LCA5L: variants seen among roughly 807,000 people sequenced by gnomAD.
LCA5L encodes lebercilin-like protein.
In LCA5L, 35 loss-of-function variants were observed where a neutral mutation model predicts 45.4. That is an observed-to-expected ratio of 0.77 (90% CI 0.59 to 1.02). The LOEUF is 1.02. LCA5L is among the 50% of genes least tolerant of loss of function. The pLI, the probability that LCA5L is intolerant of heterozygous loss-of-function variation, is 0.00. For missense variants in LCA5L, 668 were observed against 761.6 expected (o/e 0.88, Z 1.45); for synonymous variants, 233 against 264.7 (o/e 0.88, Z 1.16).
chr21:39,414,193 G>A (rs1480775969), intron 7 of LCA5L: 1 of 152,352 alleles, frequency 6.6e-6, no homozygotes, highest in East Asian at 1.9e-4. Flanking sequence ...GGGTATCAAG[G>A]AAGAGTTAAA....
chr21:39,418,337 A>G (rs2041669996), intron 7 of LCA5L, among the ~76,000 whole-genome samples: 1 of 152,114 alleles, frequency 6.6e-6, no homozygotes, highest in East Asian at 1.9e-4. Flanking sequence ...AAGATTCTTC[A>G]TTGCTGTTTA....
intron 5 of LCA5L, among the ~76,000 whole-genome samples, chr21:39,425,043 A>G (rs1479880283): frequency 6.6e-6 from 1 of 152,206 alleles, no homozygotes. Context: ...TAGGATATAG[A>G]GGTATATGTA....
intron 10 of LCA5L, chr21:39,407,821 AAAAT>A (rs1176999877): frequency 2.0e-5 from 3 of 152,262 alleles, no homozygotes; most frequent in Non-Finnish European, 2.9e-5. Context: ...AATGGACTGA[AAAAT>A]AAGCAGAAAA....
At chr21:39,415,054 A>G (rs1335520271) in intron 7 of LCA5L, among the ~76,000 whole-genome samples, 2 of 152,180 alleles carry the variant, frequency 1.3e-5, no homozygotes, top group South Asian at 4.1e-4. Flanking sequence ...GGCTTGTGCC[A>G]CCATGCCCAG....
At chr21:39,411,922 G>C in intron 7 of LCA5L, 120 bp from the exon 8 acceptor site, 1 of 594,958 alleles carries the variant, frequency 1.7e-6, no homozygotes, top group Non-Finnish European at 3.0e-6. Context: ...GATTTTAGAA[G>C]AAACAGAAAT....
At chr21:39,425,182 G>C (rs949803103) in intron 5 of LCA5L, among the ~76,000 whole-genome samples, 6 of 152,202 alleles carry the variant, frequency 3.9e-5, no homozygotes, top group African/African-American at 1.4e-4. Context: ...ATTCTGGAGA[G>C]GGAAGGACAC....
chr21:39,409,901 G>T lies in LCA5L; in HGVS notation c.1282+78C>A. On this transcript the variant is annotated intron_variant, in intron 10 of 10. Transcript: ENST00000288350. The surrounding 1 kb of genome is among the most constrained non-coding windows in gnomAD (Gnocchi z 4.2). ...GAGCTGCCATGCCCAGCTGTTTTAT[G>T]TGTGCTTTATATACACATATAGTAA... The T allele has an allele frequency of 3.6e-6, 3 of 830,548 alleles. No homozygotes were observed. Among genetic ancestry groups the T allele is most frequent in the South Asian group, 3.3e-5 (2 of 60,658 alleles). The allele number at this position is 830,548 out of a possible 1,614,324, so 51.4% of individuals were successfully genotyped here.
intron 8 of LCA5L, 125 bp from the exon 9 acceptor site, chr21:39,410,492 A>AAT (rs931895972): frequency 9.1e-5 from 51 of 562,124 alleles, no homozygotes; most frequent in Non-Finnish European, 3.1e-5. Context: ...CTAAATATTC[A>AAT]ATATATATAT....
intron 5 of LCA5L, among the ~76,000 whole-genome samples, chr21:39,426,981 C>A (rs2074829549): frequency 6.6e-6 from 1 of 152,208 alleles, no homozygotes; most frequent in African/African-American, 2.4e-5. Flanking sequence ...TCATGGGGTT[C>A]ACAGACATGT....
chr21:39,409,250 C>G lies in LCA5L; in HGVS notation c.1282+729G>C, dbSNP rs1480089652. ...GGGACATCTAAAGCCAGGAAGAGGG[C>G]CTTAACTGAAGCCAAATGCCTAGAA... On this transcript the variant is annotated intron_variant, in intron 10 of 10. Transcript: ENST00000288350. The surrounding 1 kb of genome is among the most constrained non-coding windows in gnomAD (Gnocchi z 4.2). Among the ~76,000 whole-genome samples, 1 of 152,116 alleles carries G rather than the reference C, an allele frequency of 6.6e-6. No individual in the cohort carries two copies. The highest frequency in any genetic ancestry group is 1.5e-5 in the Non-Finnish European group (1 of 68,016).
chr21:39,423,532 C>T (rs762396187), intron 5 of LCA5L, 42 bp from the exon 6 acceptor site: 36 of 1,486,840 alleles, frequency 2.4e-5, no homozygotes, highest in Non-Finnish European at 2.9e-5. Flanking sequence ...GTAAAATATA[C>T]AGATATGCAA....
chr21:39,409,593 T>G lies in LCA5L; in HGVS notation c.1282+386A>C, dbSNP rs756172972. Among the ~76,000 whole-genome samples the G allele has an allele frequency of 2.0e-5, 3 of 148,994 alleles. No individual in the cohort carries two copies. The highest frequency in any genetic ancestry group is 6.7e-5 in the Admixed American group (1 of 14,996). On this transcript the variant is annotated intron_variant, in intron 10 of 10. Coordinates refer to ENST00000288350, the MANE Select transcript of LCA5L (RefSeq NM_152505.4). The surrounding 1 kb of genome is among the most constrained non-coding windows in gnomAD (Gnocchi z 4.2). Reference sequence around the variant, plus strand: ...TTATAATTCTGGAAACGGTTTTATGTTTTTTTTTTAATTTTTTGAGACAGA... The same window carrying G: ...TTATAATTCTGGAAACGGTTTTATGGTTTTTTTTTAATTTTTTGAGACAGA...
chr21:39,440,709 T>C (rs76141934), intron 2 of LCA5L, among the ~76,000 whole-genome samples: 27,800 of 152,184 alleles, frequency 0.18, 2,664 homozygotes, highest in Middle Eastern at 0.27. Flanking sequence ...CTAGTGTCCA[T>C]GGGCACTTGA....
At chr21:39,438,296 A>C (rs899905721) in intron 2 of LCA5L, among the ~76,000 whole-genome samples, 2 of 152,200 alleles carry the variant, frequency 1.3e-5, no homozygotes, top group African/African-American at 2.4e-5. Context: ...CTGGAAATCA[A>C]AACAAAAGCA....
intron 6 of LCA5L, 53 bp from the exon 7 acceptor site, chr21:39,420,896 A>C: frequency 1.4e-6 from 2 of 1,415,990 alleles, no homozygotes; most frequent in South Asian, 1.2e-5. Context: ...TATGTTAAAA[A>C]CTTCAATTAT....
chr21:39,437,547 C>A (rs1299311754), intron 2 of LCA5L, among the ~76,000 whole-genome samples: 1 of 152,148 alleles, frequency 6.6e-6, no homozygotes, highest in Non-Finnish European at 1.5e-5. Flanking sequence ...GCAGCCTCAA[C>A]CTCCTGGGTT....
chr21:39,424,657 T>C (rs903096991), intron 5 of LCA5L, among the ~76,000 whole-genome samples: 1 of 152,338 alleles, frequency 6.6e-6, no homozygotes, highest in Admixed American at 6.5e-5. Flanking sequence ...ATATTCAAAA[T>C]GACCCTCAAA....
chr21:39,410,257 G>A lies in LCA5L; in HGVS notation c.1164+7C>T, dbSNP rs779375230. The A allele has an allele frequency of 6.4e-7, 1 of 1,563,126 alleles. No individual in the cohort carries two copies. Reference sequence around the variant, plus strand: ...TCAGACACTGCAAGATTCCAAATTTGCTGTACCTTAGTTGTCAAAGGTGGA... The same window carrying A: ...TCAGACACTGCAAGATTCCAAATTTACTGTACCTTAGTTGTCAAAGGTGGA... On this transcript the variant is annotated splice_region_variant and intron_variant, in intron 9 of 10. Transcript: ENST00000288350.
At chr21:39,410,728 G>T in intron 8 of LCA5L, 3 of 423,000 alleles carry the variant, frequency 7.1e-6, no homozygotes, top group Non-Finnish European at 9.5e-6. Context: ...TCAGTGGTTA[G>T]ACTGTCCATG....
Sources: allele counts gnomAD v4.1 joint callset (sites outside exome capture counted in the v4.1 genomes callset), GRCh38; gene constraint gnomAD v4.1.1; non-coding constraint Gnocchi (gnomAD v3.1); transcripts MANE v1.5; gene names NCBI Gene and HGNC (gene_info 2026-07-23, HGNC 2026-07-21).